Variants in CNOT2 observed in about 807,000 individuals in gnomAD.
CNOT2 encodes CCR4-NOT transcription complex subunit 2.
A neutral mutation model predicts 72.1 loss-of-function variants in CNOT2; 7 were observed. That is an observed-to-expected ratio of 0.10 (90% confidence interval 0.06 to 0.18). CNOT2 has a LOEUF of 0.18. Among genes scored for constraint, CNOT2 ranks in the 10% least tolerant of loss-of-function variants. CNOT2 has a pLI of 1.00. For synonymous variants in CNOT2, 196 were observed against 225.6 expected (o/e 0.87, Z 1.17); for missense variants, 345 against 660.3 (o/e 0.52, Z 5.23).
At chr12:70,246,241 A>G (rs1227783521) in intron 1 of CNOT2, among the ~76,000 whole-genome samples, 1 of 152,174 alleles carries the variant, frequency 6.6e-6, no homozygotes, top group Admixed American at 6.5e-5. Context: ...TTGTAACTGT[A>G]GAAAGTTCAT....
intron 1 of CNOT2, among the ~76,000 whole-genome samples, chr12:70,264,898 T>G (rs1958947706): frequency 6.6e-6 from 1 of 152,108 alleles, no homozygotes; most frequent in Non-Finnish European, 1.5e-5. Context: ...GAGCACTGAG[T>G]TTTTGTTTTC....
chr12:70,243,161 A>G (rs559913608), upstream of CNOT2: 1 of 152,446 alleles, frequency 6.6e-6, no homozygotes, highest in Non-Finnish European at 1.5e-5. Flanking sequence ...GCGGCCGCAG[A>G]AGCCCCGCTC....
chr12:70,319,692 G>A (rs947678587), intron 4 of CNOT2, among the ~76,000 whole-genome samples: 4 of 151,216 alleles, frequency 2.6e-5, no homozygotes, highest in Admixed American at 2.6e-4. Context: ...GAAGTTAAAA[G>A]CTTTTTTAGT....
intron 6 of CNOT2, chr12:70,331,647 A>G (rs1220732001): frequency 6.6e-6 from 1 of 151,892 alleles, no homozygotes; most frequent in African/African-American, 2.4e-5. Flanking sequence ...GTTTGATGGT[A>G]CCTGTAATAG....
chr12:70,338,834 C>A lies in CNOT2; in HGVS notation c.1178+12C>A. 6.2e-7 allele frequency: 1 copy of A among 1,609,524 alleles called. No homozygotes were observed. On this transcript the variant is annotated intron_variant, in intron 11 of 15. Transcript: ENST00000229195. ...CTGAACTCTCCTGAGTAAGTTTTTT[C>A]TGTTTTTCCATGTCTGTATATAATA...
Position 70,353,913 on chromosome 12 carries a change from T to TAAAA in CNOT2, c.*20_*23dup, listed in dbSNP as rs35192504. On this transcript the variant is annotated frameshift_variant and stop_retained_variant, in exon 16 of 16. Transcript: ENST00000229195. LOFTEE classifies it high-confidence loss of function. Reference sequence around the variant, plus strand: ...CTACAACCCTGCTCAGCAAGCCTTCTAAAAAAAAAAAAAAAAAAAAAAAAA... The same window carrying TAAAA: ...CTACAACCCTGCTCAGCAAGCCTTCTAAAAAAAAAAAAAAAAAAAAAAAAAAAAA... The TAAAA allele has an allele frequency of 1.4e-3, 1,777 of 1,273,144 alleles. 7 individuals are homozygous for TAAAA. Among genetic ancestry groups the TAAAA allele is most frequent in the African/African-American group, 8.6e-3 (380 of 44,200 alleles). The allele number at this position is 1,273,144 out of a possible 1,614,324, so 78.9% of individuals were successfully genotyped here.
rs549772496 is a variant in CNOT2 at position 70,258,192 on chromosome 12, T to C, written c.-96+14712T>C. On this transcript the variant is annotated intron_variant, in intron 1 of 15. Coordinates refer to ENST00000229195, the MANE Select transcript of CNOT2 (RefSeq NM_014515.7). ...GTCCGTGGTCCCCTCCCAAGCATTATTCCATACTTCCTGGGAAGAAAAAGT... is the reference window on the plus strand; with the variant it reads ...GTCCGTGGTCCCCTCCCAAGCATTACTCCATACTTCCTGGGAAGAAAAAGT... 5.9e-5 allele frequency among the ~76,000 whole-genome samples: 9 copies of C among 152,312 alleles called. No individual in the cohort carries two copies. The South Asian group carries it at 1.9e-3, about 32-fold the overall frequency.
intron 1 of CNOT2, among the ~76,000 whole-genome samples, chr12:70,277,878 T>A (rs1379097124): frequency 6.6e-6 from 1 of 152,138 alleles, no homozygotes; most frequent in African/African-American, 2.4e-5. Context: ...AATTTCTCCC[T>A]TGTGTGTGAT....
At position 70,346,232 on chromosome 12, in the gene CNOT2, G is replaced by T. The variant is rs1481376903; in HGVS notation, c.1444G>T (p.Ala482Ser). Residue 482 changes from alanine to serine, a missense_variant, in exon 15 of 16, where the codon GCA becomes TCA. Ala to Ser is a moderately conservative substitution (Grantham distance 99). Coordinates refer to ENST00000229195, the MANE Select transcript of CNOT2 (RefSeq NM_014515.7). ...AGAAGAACGAGTATGGATTACCAGG[G>T]CACCAGGCATGGAGCCAACAATGAA... ...HKEERVWITR[A>S]PGMEPTMKTN... The T allele has an allele frequency of 6.2e-7, 1 of 1,609,204 alleles. No individual in the cohort carries two copies. Among genetic ancestry groups the T allele is most frequent in the Non-Finnish European group, 8.5e-7 (1 of 1,175,758 alleles).
Position 70,319,165 on chromosome 12 carries a change from G to A in CNOT2, c.172-133G>A, listed in dbSNP as rs1877871075. ...ACATGGAATATATTATAGAATGTTT[G>A]TTTTATGTTTTTCTGAAGAATGAGA... On this transcript the variant is annotated intron_variant, in intron 3 of 15. Transcript: ENST00000229195. The A allele has an allele frequency of 2.1e-5, 14 of 656,450 alleles. No homozygotes were observed. The South Asian group carries it at 3.4e-4, about 16-fold the overall frequency. The allele number at this position is 656,450 out of a possible 1,614,324, so 40.7% of individuals were successfully genotyped here.
intron 6 of CNOT2, among the ~76,000 whole-genome samples, chr12:70,331,934 T>A (rs909600808): frequency 6.6e-6 from 1 of 151,674 alleles, no homozygotes; most frequent in African/African-American, 2.4e-5. Context: ...CTGTTGACAC[T>A]CTTAATTATT....
At position 70,354,139 on chromosome 12, in the gene CNOT2, G is replaced by T; in HGVS notation, c.*224G>T. The T allele has an allele frequency of 2.4e-6, 2 of 831,584 alleles. No individual in the cohort carries two copies. Among genetic ancestry groups the T allele is most frequent in the South Asian group, 8.3e-5 (2 of 23,998 alleles). 51.5% of individuals were successfully genotyped at this position (831,584 alleles called of 1,614,324 possible). On this transcript the variant is annotated 3_prime_UTR_variant, in exon 16 of 16. Transcript: ENST00000229195. Reference sequence around the variant, plus strand: ...TGTAATTTGTTTTTCTCTAGTTTGAGCAGGGTCTGAATTTTTTCATTTATT... The same window carrying T: ...TGTAATTTGTTTTTCTCTAGTTTGATCAGGGTCTGAATTTTTTCATTTATT...
At chr12:70,312,794 G>T (rs1340322189) in intron 3 of CNOT2, among the ~76,000 whole-genome samples, 1 of 151,740 alleles carries the variant, frequency 6.6e-6, no homozygotes, top group Non-Finnish European at 1.5e-5. Context: ...TAATATATTG[G>T]CTACCTTATA....
At chr12:70,302,214 C>G (rs1874154564) in intron 2 of CNOT2, among the ~76,000 whole-genome samples, 2 of 152,008 alleles carry the variant, frequency 1.3e-5, no homozygotes, top group Non-Finnish European at 1.5e-5. Context: ...TCTCTATTTC[C>G]TTCAGTTCTG....
chr12:70,289,620 T>A (rs1303744178), intron 2 of CNOT2, among the ~76,000 whole-genome samples: 1 of 152,142 alleles, frequency 6.6e-6, no homozygotes, highest in Non-Finnish European at 1.5e-5. Flanking sequence ...GCTTTGTTCA[T>A]TTTTTTCTTT....
intron 1 of CNOT2, among the ~76,000 whole-genome samples, chr12:70,265,145 G>A (rs1211822763): frequency 6.6e-6 from 1 of 151,842 alleles, no homozygotes; most frequent in Admixed American, 6.6e-5. Context: ...TATCAGTAAT[G>A]CCTCAAAAAT....
At chr12:70,270,564 C>G (rs1283982876) in intron 1 of CNOT2, among the ~76,000 whole-genome samples, 1 of 152,102 alleles carries the variant, frequency 6.6e-6, no homozygotes, top group Non-Finnish European at 1.5e-5. Context: ...TAGTTGCCTT[C>G]TTCCTCCTCA....
chr12:70,269,194 T>C (rs1458784900), intron 1 of CNOT2, among the ~76,000 whole-genome samples: 1 of 152,138 alleles, frequency 6.6e-6, no homozygotes, highest in African/African-American at 2.4e-5. Context: ...GCTGTGTGTA[T>C]GAGACCTTGA....
rs1023510042 is a variant in CNOT2, at chr12:70,342,315, T to A, written c.1290+8T>A. 6.2e-7 allele frequency: 1 copy of A among 1,612,630 alleles called. No homozygotes were observed. Among genetic ancestry groups the A allele is most frequent in the African/African-American group, 1.3e-5 (1 of 74,852 alleles). On this transcript the variant is annotated splice_region_variant and intron_variant, in intron 13 of 15. Coordinates refer to ENST00000229195, the MANE Select transcript of CNOT2 (RefSeq NM_014515.7). ...ATTCACATTAGGGATAAGGTGAGTGTAGTTTATTATTCTACTCAGTCAGCA... is the reference window on the plus strand; with the variant it reads ...ATTCACATTAGGGATAAGGTGAGTGAAGTTTATTATTCTACTCAGTCAGCA...
Sources: allele counts gnomAD v4.1 joint callset (sites outside exome capture counted in the v4.1 genomes callset), GRCh38; gene constraint gnomAD v4.1.1; transcripts MANE v1.5; gene names NCBI Gene and HGNC (gene_info 2026-07-23, HGNC 2026-07-21).